Variants in SLC20A2 observed in about 807,000 individuals in gnomAD.
The protein encoded by SLC20A2 is solute carrier family 20 member 2, also known as sodium-dependent phosphate transporter 2.
A neutral mutation model predicts 61.0 loss-of-function variants in SLC20A2; 30 were observed. That is an observed-to-expected ratio of 0.49 (90% CI 0.37 to 0.67). The LOEUF (loss-of-function observed/expected upper bound fraction) is 0.67, where lower values mean the gene tolerates loss of function less well. Among genes scored for constraint, SLC20A2 ranks in the 30% least tolerant of loss-of-function variants. The pLI is 0.00. For synonymous variants in SLC20A2, 351 were observed against 353.3 expected, an observed-to-expected ratio of 0.99 and a Z score of 0.07; for missense variants, 626 against 866.4, an observed-to-expected ratio of 0.72 and a Z score of 3.48.
chr8:42,467,431 G>C (rs1275660553), intron 2 of SLC20A2, among the ~76,000 whole-genome samples: 1 of 152,192 alleles, frequency 6.6e-6, no homozygotes, highest in East Asian at 1.9e-4. Flanking sequence ...TTGTTGAAAA[G>C]CTCCCATGGA....
At chr8:42,426,728 A>C (rs183062893) in intron 10 of SLC20A2, among the ~76,000 whole-genome samples, 1 of 150,316 alleles carries the variant, frequency 6.7e-6, no homozygotes, top group Admixed American at 6.6e-5. Context: ...CAAAACAAAA[A>C]AAAGCTATTT....
In SLC20A2 at chr8:42,439,462, G is replaced by A. The variant is rs777147006; in HGVS notation, c.922C>T (p.Arg308Trp). 14 of 1,613,472 alleles carry A rather than the reference G, an allele frequency of 8.7e-6. No homozygotes were observed. The Middle Eastern group carries it at 7.2e-4, about 83-fold the overall frequency. ...AGGCACATCTTACCGTATGCAGCCC[G>A]AGGGTGGCTGCCCGCAGAAGTGCCT... ...SEGTSAGSHP[R>W]AAYGRALSMT... The change falls in exon 7 of 11, where the codon CGG (arginine) becomes TGG (tryptophan). Residue 308 changes from arginine (R) to tryptophan (W), a missense_variant. Around this residue, in one of 3 missense-constraint regions of SLC20A2, gnomAD observed 361 missense variants for 422.3 expected, o/e 0.85. Transcript: ENST00000520262.
chr8:42,508,476 C>T (rs1810849650), intron 1 of SLC20A2, among the ~76,000 whole-genome samples: 1 of 152,192 alleles, frequency 6.6e-6, no homozygotes, highest in Non-Finnish European at 1.5e-5. Flanking sequence ...CTGCAGCCTC[C>T]ACTTCCCAGG....
intron 1 of SLC20A2, among the ~76,000 whole-genome samples, chr8:42,486,140 CTGTG>C (rs59925363): frequency 7.4e-4 from 111 of 149,000 alleles, no homozygotes; most frequent in Middle Eastern, 3.4e-3. Flanking sequence ...AGCTCTCTCA[CTGTG>C]TGTGTGTGTG....
intron 1 of SLC20A2, among the ~76,000 whole-genome samples, chr8:42,475,410 A>T (rs141877840): frequency 6.8e-6 from 1 of 147,096 alleles, no homozygotes; most frequent in African/African-American, 2.5e-5. Flanking sequence ...CAGACTTAGG[A>T]ATTTTTCTGT....
intron 1 of SLC20A2, among the ~76,000 whole-genome samples, chr8:42,478,638 T>A (rs1439547634): frequency 3.3e-5 from 5 of 152,186 alleles, no homozygotes; most frequent in Admixed American, 6.5e-5. Context: ...GCTGTGCACC[T>A]TGAGTATGGT....
chr8:42,510,343 C>T, intron 1 of SLC20A2, among the ~76,000 whole-genome samples: 1 of 152,174 alleles, frequency 6.6e-6, no homozygotes, highest in East Asian at 1.9e-4. Context: ...CTCCACCCAT[C>T]ACAAACAAAG....
At chr8:42,470,804 T>G (rs1294589638) in intron 2 of SLC20A2, among the ~76,000 whole-genome samples, 5 of 151,398 alleles carry the variant, frequency 3.3e-5, no homozygotes, top group African/African-American at 1.2e-4. Context: ...TGAAACCCTG[T>G]CTCTACTAAA....
chr8:42,534,735 A>G (rs534048246), intron 1 of SLC20A2: 2 of 152,356 alleles, frequency 1.3e-5, no homozygotes, highest in East Asian at 3.9e-4. Flanking sequence ...TCATAAGAGT[A>G]TGAACAAGAA....
At chr8:42,489,454 T>C (rs914379343) in intron 1 of SLC20A2, among the ~76,000 whole-genome samples, 7 of 136,940 alleles carry the variant, frequency 5.1e-5, no homozygotes, top group Non-Finnish European at 9.4e-5. Context: ...GCCCCATGTG[T>C]GTTTCACACG....
chr8:42,422,091 C>T (rs562842507), intron 10 of SLC20A2, among the ~76,000 whole-genome samples: 8 of 152,200 alleles, frequency 5.3e-5, no homozygotes, highest in East Asian at 1.9e-4. Flanking sequence ...CTTGCTCTGT[C>T]GCCCAGGCTG....
intron 1 of SLC20A2, among the ~76,000 whole-genome samples, chr8:42,528,621 C>T (rs772440344): frequency 6.6e-5 from 10 of 152,122 alleles, no homozygotes; most frequent in Non-Finnish European, 1.5e-4. Context: ...TTACTTTCTG[C>T]ACGATCTTGG....
At chr8:42,451,782 A>G (rs1436299337) in intron 5 of SLC20A2, among the ~76,000 whole-genome samples, 7 of 130,542 alleles carry the variant, frequency 5.4e-5, no homozygotes, top group African/African-American at 2.1e-4. Flanking sequence ...AGGAAGAGGA[A>G]GAGATGAAGA....
intron 6 of SLC20A2, among the ~76,000 whole-genome samples, chr8:42,444,169 G>C (rs565718381): frequency 1.6e-4 from 24 of 152,308 alleles, no homozygotes; most frequent in African/African-American, 5.8e-4. Flanking sequence ...CACATGGTAA[G>C]TGTAAGGTGA....
At chr8:42,451,712 A>G (rs537521718) in intron 5 of SLC20A2, among the ~76,000 whole-genome samples, 1 of 126,990 alleles carries the variant, frequency 7.9e-6, no homozygotes, top group East Asian at 2.8e-4. Flanking sequence ...GAAGAGGAGG[A>G]GGAGGAAGAG....
rs751877064 is a variant in SLC20A2 at position 42,459,924 on chromosome 8, G to T, written c.585C>A (p.Val195=). 3 of 1,613,282 alleles carry T rather than the reference G, an allele frequency of 1.9e-6. No individual in the cohort carries two copies. Among genetic ancestry groups the T allele is most frequent in the Non-Finnish European group, 1.7e-6 (2 of 1,179,646 alleles). The change falls in exon 5 of 11, where the codon GTC becomes GTA. Residue 195 remains valine, a synonymous_variant. Coordinates refer to ENST00000520262, the MANE Select transcript of SLC20A2 (RefSeq NM_001257180.2). The part of the protein sequence containing the change: ...VFYAATIAIN[V]FSIMYTGAPV... ...GTGCTCCTGTGTACATGATGGAAAAGACATTGATTGCTATGGTAGCAGCAT... is the reference window on the plus strand; with the variant it reads ...GTGCTCCTGTGTACATGATGGAAAATACATTGATTGCTATGGTAGCAGCAT...
At chr8:42,455,253 T>TAG (rs1369266002) in intron 5 of SLC20A2, among the ~76,000 whole-genome samples, 101 of 93,632 alleles carry the variant, frequency 1.1e-3, no homozygotes, top group Non-Finnish European at 1.8e-3. Flanking sequence ...TATATATATA[T>TAG]ATATAGAGAG....
chr8:42,459,235 C>CAAAAAAAAAAAAAAAAAAA (rs756966778), intron 5 of SLC20A2, among the ~76,000 whole-genome samples: 3 of 36,076 alleles, frequency 8.3e-5, no homozygotes, highest in Non-Finnish European at 1.5e-4. Context: ...GACTCTATCT[C>CAAAAAAAAAAAAAAAAAAA]AAAAAAAAAA....
chr8:42,483,428 A>T (rs572019092), intron 1 of SLC20A2, among the ~76,000 whole-genome samples: 2 of 152,342 alleles, frequency 1.3e-5, no homozygotes, highest in Middle Eastern at 6.8e-3. Flanking sequence ...TTATAATGGA[A>T]TAGGTTGCAG....
Sources: gnomAD v4.1 joint callset for allele counts (sites outside exome capture counted in the v4.1 genomes callset) on GRCh38, gnomAD v4.1.1 for gene constraint, gnomAD v4.1.1 regional missense constraint, MANE v1.5 for transcripts, NCBI Gene and HGNC (gene_info 2026-07-23, HGNC 2026-07-21) for gene names.